Variants in TSPAN8 observed in about 807,000 individuals in gnomAD.
TSPAN8 encodes the protein tetraspanin-8.
TSPAN8 carries 21 observed loss-of-function variants against 32.8 expected under a neutral mutation model. The observed-to-expected ratio is 0.64, with a 90% confidence interval of 0.45 to 0.92. The LOEUF is 0.92. Ranked by LOEUF, TSPAN8 falls within the 40% of genes least tolerant of loss-of-function variation. The pLI is 0.00. For synonymous variants in TSPAN8, 95 were observed against 94.6 expected (o/e 1.00, Z -0.03); for missense variants, 269 against 281.9 (o/e 0.95, Z 0.33).
intron 2 of TSPAN8, among the ~76,000 whole-genome samples, chr12:71,150,928 A>G (rs141956379): frequency 6.6e-6 from 1 of 152,102 alleles, no homozygotes; most frequent in Non-Finnish European, 1.5e-5. Context: ...GCCACATAGA[A>G]CTGTGAGTCT....
intron 7 of TSPAN8, among the ~76,000 whole-genome samples, chr12:71,130,508 A>G (rs1422391408): frequency 6.6e-6 from 1 of 152,222 alleles, no homozygotes; most frequent in African/African-American, 2.4e-5. Context: ...AAAAGACTAC[A>G]CAGTATAATT....
At chr12:71,157,513 TC>T (rs1872483128) in intron 2 of TSPAN8, 105 bp downstream of exon 2, 1 of 754,676 alleles carries the variant, frequency 1.3e-6, no homozygotes, top group Non-Finnish European at 2.2e-6. Flanking sequence ...AAATACATTT[TC>T]CCCCTTCTCT....
intron 2 of TSPAN8, among the ~76,000 whole-genome samples, chr12:71,156,068 A>T (rs1685408517): frequency 6.6e-6 from 1 of 151,990 alleles, no homozygotes; most frequent in Admixed American, 6.6e-5. Context: ...TGTTTCAGAG[A>T]TATATACTAA....
chr12:71,132,864 A>G (rs375451226), intron 6 of TSPAN8, 40 bp from the exon 7 acceptor site: 210 of 1,611,026 alleles, frequency 1.3e-4, no homozygotes, highest in Non-Finnish European at 1.6e-4. Context: ...GTCAGTAAGA[A>G]GATTAAAAAC....
chr12:71,140,830 C>T (rs1216391641), intron 3 of TSPAN8, among the ~76,000 whole-genome samples: 1 of 152,186 alleles, frequency 6.6e-6, no homozygotes, highest in African/African-American at 2.4e-5. Flanking sequence ...CTTCTATAAC[C>T]TCTATCTACT....
At chr12:71,139,621 CA>C in intron 4 of TSPAN8, 89 bp downstream of exon 4, 1 of 1,474,576 alleles carries the variant, frequency 6.8e-7, no homozygotes, top group Non-Finnish European at 9.1e-7. Flanking sequence ...TTTCATCAAT[CA>C]TGGCACGTTC....
In TSPAN8 at chr12:71,125,306, C is replaced by G. The variant is rs1871315853; in HGVS notation, c.*28G>C. The G allele has an allele frequency of 3.7e-6, 6 of 1,600,544 alleles. No homozygotes were observed. Among genetic ancestry groups the G allele is most frequent in the Non-Finnish European group, 5.1e-6 (6 of 1,172,788 alleles). Reference sequence around the variant, plus strand: ...AAAGCAACATTTTAAAGGGGTTTGACTGACGATAGGTTGATGCATCCACAG... The same window carrying G: ...AAAGCAACATTTTAAAGGGGTTTGAGTGACGATAGGTTGATGCATCCACAG... On this transcript the variant is annotated 3_prime_UTR_variant, in exon 9 of 9. Transcript: ENST00000247829.
intron 6 of TSPAN8, among the ~76,000 whole-genome samples, chr12:71,137,444 C>CA (rs1437258703): frequency 6.7e-6 from 1 of 149,996 alleles, no homozygotes; most frequent in Non-Finnish European, 1.5e-5. Context: ...ACTAAAAATA[C>CA]AAAAAATGAG....
At chr12:71,146,844 A>G (rs1872093218) in intron 2 of TSPAN8, among the ~76,000 whole-genome samples, 1 of 152,232 alleles carries the variant, frequency 6.6e-6, no homozygotes, top group Admixed American at 6.5e-5. Context: ...CATATGTTGA[A>G]GCCCTAACCT....
intron 7 of TSPAN8, among the ~76,000 whole-genome samples, chr12:71,132,473 A>G (rs543321604): frequency 6.6e-6 from 1 of 152,294 alleles, no homozygotes; most frequent in African/African-American, 2.4e-5. Flanking sequence ...TGTTTCTTTG[A>G]CCTATTAATA....
intron 2 of TSPAN8, 95 bp downstream of exon 2, chr12:71,157,524 T>C (rs1463504920): frequency 2.4e-6 from 2 of 834,560 alleles, no homozygotes; most frequent in South Asian, 1.6e-5. Flanking sequence ...CCCCCTTCTC[T>C]TATTTCTCTA....
intron 8 of TSPAN8, among the ~76,000 whole-genome samples, chr12:71,127,180 G>A (rs1271123777): frequency 2.0e-5 from 3 of 151,854 alleles, no homozygotes; most frequent in Admixed American, 6.6e-5. Context: ...CTGTATCTTT[G>A]TGTTTTTTTG....
chr12:71,157,778 G>A lies in TSPAN8; in HGVS notation c.-100C>T, dbSNP rs1240922323. On this transcript the variant is annotated 5_prime_UTR_variant, in exon 2 of 9. Transcript: ENST00000247829. The stretch of plus-strand genomic sequence containing the variant: ...GAGCAACTTGCCTGCAGAGATTTCT[G>A]TATCCACGGCTTCAGAGCAGAAAGA... 12 of 857,016 alleles carry A rather than the reference G, an allele frequency of 1.4e-5. No individual in the cohort carries two copies. The East Asian group carries it at 2.4e-4, about 17-fold the overall frequency. 53.1% of individuals were successfully genotyped at this position (857,016 alleles called of 1,614,324 possible). A position where few individuals can be genotyped will look rare whatever the true frequency, so the allele number is the denominator to read the frequency against.
chr12:71,135,280 A>G (rs61167564), intron 6 of TSPAN8, among the ~76,000 whole-genome samples: 1 of 88,910 alleles, frequency 1.1e-5, no homozygotes, highest in Non-Finnish European at 2.5e-5. Context: ...AGGAGAAGGA[A>G]GAAGAAGAAG....
At chr12:71,129,257 C>A in intron 8 of TSPAN8, 74 bp downstream of exon 8, 63 of 1,260,998 alleles carry the variant, frequency 5.0e-5, no homozygotes, top group Middle Eastern at 2.1e-4. Context: ...TTTGTTTGTT[C>A]ACCATCAATA....
chr12:71,144,117 T>C (rs1313418944), intron 3 of TSPAN8, 34 bp downstream of exon 3: 13 of 1,580,292 alleles, frequency 8.2e-6, no homozygotes, highest in African/African-American at 4.1e-5. Context: ...ATAAACTACA[T>C]TGGGGAAAGG....
Position 71,152,294 on chromosome 12 carries a change from G to C in TSPAN8, c.60+5325C>G, listed in dbSNP as rs185735246. Among the ~76,000 whole-genome samples, 10 of 152,202 alleles carry C rather than the reference G, an allele frequency of 6.6e-5. 1 individual carries two copies. Among genetic ancestry groups the C allele is most frequent in the African/African-American group, 2.4e-4 (10 of 41,540 alleles). On this transcript the variant is annotated intron_variant, in intron 2 of 8. Coordinates refer to ENST00000247829, the MANE Select transcript of TSPAN8 (RefSeq NM_004616.3). Reference sequence around the variant, plus strand: ...CTTTTTCCCCATTCCCTTAATTCATGATAGAAGAATTTCTGCCTTATCATA... The same window carrying C: ...CTTTTTCCCCATTCCCTTAATTCATCATAGAAGAATTTCTGCCTTATCATA...
chr12:71,151,125 G>A (rs538164790), intron 2 of TSPAN8, among the ~76,000 whole-genome samples: 38 of 150,582 alleles, frequency 2.5e-4, no homozygotes, highest in Non-Finnish European at 3.5e-4. Flanking sequence ...GTGCAGTGGC[G>A]CGATCTTGGC....
chr12:71,148,711 T>G (rs1872151252), intron 2 of TSPAN8, among the ~76,000 whole-genome samples: 1 of 152,246 alleles, frequency 6.6e-6, no homozygotes, highest in Non-Finnish European at 1.5e-5. Context: ...TTGATTTTCC[T>G]GTGGGAAAGC....
Sources: allele counts gnomAD v4.1 joint callset (sites outside exome capture counted in the v4.1 genomes callset), GRCh38; gene constraint gnomAD v4.1.1; transcripts MANE v1.5; gene names NCBI Gene and HGNC (gene_info 2026-07-23, HGNC 2026-07-21).